DERL3: variants seen among roughly 807,000 people sequenced by gnomAD.
DERL3 encodes derlin 3.
DERL3 carries 20 observed loss-of-function variants against 23.8 expected under a neutral mutation model. That is an observed-to-expected ratio of 0.84 (90% confidence interval 0.59 to 1.22). The LOEUF is 1.22. DERL3 is among the 50% of genes most tolerant of loss of function. The probability of loss-of-function intolerance (pLI) is 0.00; values close to 1 mark genes in which losing one functional copy is unlikely to be tolerated. For missense variants in DERL3, 319 were observed against 304.1 expected (o/e 1.05, Z -0.36); for synonymous variants, 145 against 132.5 (o/e 1.09, Z -0.65).
chr22:23,838,647 ACGGGCGGTCAGGTGCGGGGTGGGTGGGT>A lies in DERL3; in HGVS notation c.159+36_160-11del. ...TGACGAGCCTCCAGACCTACGGGGG[ACGGGCGGTCAGGTGCGGGGTGGGTGGGT>A]CGGGCCCACAGGTGCGCGGCGCGGG... is the stretch of plus-strand genomic sequence containing the variant. On this transcript the variant is annotated splice_polypyrimidine_tract_variant and intron_variant, in intron 2 of 6. Coordinates refer to ENST00000318109, the MANE Select transcript of DERL3 (RefSeq NM_001002862.3). The A allele has an allele frequency of 1.1e-6, 1 of 870,298 alleles. No homozygotes were observed. The highest frequency in any genetic ancestry group is 1.6e-6 in the Non-Finnish European group (1 of 628,614). 53.9% of individuals were successfully genotyped at this position (870,298 alleles called of 1,614,324 possible).
rs1601449214 is a variant in DERL3 at position 23,834,895 on chromosome 22, G to A, written c.*1974C>T. 1 of 1,612,100 alleles carries A rather than the reference G, an allele frequency of 6.2e-7. No homozygotes were observed. Among genetic ancestry groups the A allele is most frequent in the Non-Finnish European group, 8.5e-7 (1 of 1,179,704 alleles). ...TGGCTCTGCTGTGTCCAGATGGTCAGGCTACTGCCAGCTGGGGCCTTGCTG... is the reference window on the plus strand; with the variant it reads ...TGGCTCTGCTGTGTCCAGATGGTCAAGCTACTGCCAGCTGGGGCCTTGCTG... On this transcript the variant is annotated 3_prime_UTR_variant, in exon 7 of 7. Transcript: ENST00000318109.
In DERL3 at chr22:23,834,886, A is replaced by G; in HGVS notation, c.*1983T>C. ...GGGCCGCCCTGGCTCTGCTGTGTCC[A>G]GATGGTCAGGCTACTGCCAGCTGGG... On this transcript the variant is annotated 3_prime_UTR_variant, in exon 7 of 7. Transcript: ENST00000318109. 6.2e-7 allele frequency: 1 copy of G among 1,612,444 alleles called. No individual in the cohort carries two copies. Among genetic ancestry groups the G allele is most frequent in the Non-Finnish European group, 8.5e-7 (1 of 1,179,770 alleles).
chr22:23,835,275 G>A lies in DERL3; in HGVS notation c.*1594C>T, dbSNP rs947877251. On this transcript the variant is annotated 3_prime_UTR_variant, in exon 7 of 7. Transcript: ENST00000318109. ...TCTTCAGAATGGACACAGGATCTGGGAGGGCAGCAAACTGGCTCGCAGCTC... is the reference window on the plus strand; with the variant it reads ...TCTTCAGAATGGACACAGGATCTGGAAGGGCAGCAAACTGGCTCGCAGCTC... 3.9e-5 allele frequency: 42 copies of A among 1,086,920 alleles called. No individual in the cohort carries two copies. Among genetic ancestry groups the A allele is most frequent in the Admixed American group, 1.6e-4 (3 of 19,324 alleles). The allele number at this position is 1,086,920 out of a possible 1,614,324, so 67.3% of individuals were successfully genotyped here.
In DERL3 at chr22:23,837,106, T is replaced by C. The variant is rs1051885475; in HGVS notation, c.572A>G (p.Asn191Ser). ...IYYFLEDVFP[N>S]QPGGKRLLQT... ...CAGGAGCCTCTTGCCTCCAGGCTGG[T>C]TGGGGAAGACGTCCTCCAGGAAGTA... The change falls in exon 6 of 7, where the codon AAC becomes AGC. Residue 191 changes from asparagine (N) to serine (S), a missense_variant. Physicochemically the swap from Asn to Ser is conservative, Grantham distance 46. Transcript: ENST00000318109. 6.8e-6 allele frequency: 11 copies of C among 1,613,710 alleles called. No individual in the cohort carries two copies. In the African/African-American group the frequency reaches 9.4e-5, roughly 14 times the overall value.
rs766931832 is a variant in DERL3, at chr22:23,838,666, G to A, written c.160-29C>T. ...CGGGGGACGGGCGGTCAGGTGCGGG[G>A]TGGGTGGGTCGGGCCCACAGGTGCG... On this transcript the variant is annotated intron_variant, in intron 2 of 6. Coordinates refer to ENST00000318109, the MANE Select transcript of DERL3 (RefSeq NM_001002862.3). 12 of 1,547,372 alleles carry A rather than the reference G, an allele frequency of 7.8e-6. No individual in the cohort carries two copies. In the Admixed American group the frequency reaches 7.9e-5, roughly 10 times the overall value.
chr22:23,837,276 C>T (rs1272352939), intron 5 of DERL3, 122 bp from the exon 6 acceptor site: 2 of 1,294,362 alleles, frequency 1.5e-6, no homozygotes, highest in African/African-American at 3.0e-5. Flanking sequence ...CATGAGTGCC[C>T]CAAAGCCTTG....
rs1020086224 is a variant in DERL3, at chr22:23,835,900, A to G, written c.*969T>C. The G allele has an allele frequency of 4.1e-6, 4 of 985,394 alleles. No homozygotes were observed. Among genetic ancestry groups the G allele is most frequent in the Admixed American group, 1.2e-4 (2 of 16,274 alleles). The allele number at this position is 985,394 out of a possible 1,614,324, so 61.0% of individuals were successfully genotyped here. A position where few individuals can be genotyped will look rare whatever the true frequency, so the allele number is the denominator to read the frequency against. ...CGCCAGCTCACACCGCCGCAAAGCC[A>G]TCTCCACAAGGTCTGGCTACAACAC... On this transcript the variant is annotated 3_prime_UTR_variant, in exon 7 of 7. Transcript: ENST00000318109.
In DERL3 at chr22:23,836,222, A is replaced by T. The variant is rs1030179907; in HGVS notation, c.*647T>A. The T allele has an allele frequency of 3.0e-6, 3 of 985,246 alleles. No individual in the cohort carries two copies. In the African/African-American group the frequency reaches 5.2e-5, roughly 17 times the overall value. 61.0% of individuals were successfully genotyped at this position (985,246 alleles called of 1,614,324 possible). A position where few individuals can be genotyped will look rare whatever the true frequency, so the allele number is the denominator to read the frequency against. On this transcript the variant is annotated 3_prime_UTR_variant, in exon 7 of 7. Transcript: ENST00000318109. ...TCTGAGGTCATAGAAAGGGCAGAAG[A>T]CCTAGTCCTGGCCCTCTTCTGCACC...
Position 23,837,743 on chromosome 22 carries a change from G to C in DERL3, c.439C>G (p.Leu147Val). 2 of 1,614,064 alleles carry C rather than the reference G, an allele frequency of 1.2e-6. No individual in the cohort carries two copies. The highest frequency in any genetic ancestry group is 1.7e-6 in the Non-Finnish European group (2 of 1,180,018). Residue 147 changes from leucine to valine, a missense_variant, in exon 5 of 7, where the codon CTC becomes GTC. Coordinates refer to ENST00000318109, the MANE Select transcript of DERL3 (RefSeq NM_001002862.3). ...GGCAGGAACGGTGCCTGGAAAGTGA[G>C]CAGGCCGAAGAAGTTGACCCTCACC... is the stretch of plus-strand genomic sequence containing the variant. The part of the protein sequence containing the change: ...PRVRVNFFGL[L>V]TFQAPFLPWA...
chr22:23,834,538 A>T lies in DERL3; in HGVS notation c.*2331T>A, dbSNP rs2030882817. 3 of 699,532 alleles carry T rather than the reference A, an allele frequency of 4.3e-6. No homozygotes were observed. The highest frequency in any genetic ancestry group is 2.0e-5 in the Admixed American group (1 of 49,732). 43.3% of individuals were successfully genotyped at this position (699,532 alleles called of 1,614,324 possible). The stretch of plus-strand genomic sequence containing the variant: ...TCAACAGGTCATGTTCAATTTCTTC[A>T]AAGTTTTAACATAAAAATAATGAGA... On this transcript the variant is annotated 3_prime_UTR_variant, in exon 7 of 7. Transcript: ENST00000318109.
intron 2 of DERL3, 26 bp from the exon 3 acceptor site, chr22:23,838,663 G>A (rs1260729629): frequency 1.3e-6 from 2 of 1,547,310 alleles, no homozygotes; most frequent in Admixed American, 2.0e-5. Flanking sequence ...GGTCAGGTGC[G>A]GGGTGGGTGG....
At chr22:23,838,294 C>T in intron 4 of DERL3, 58 bp downstream of exon 4, 3 of 1,556,978 alleles carry the variant, frequency 1.9e-6, no homozygotes, top group Non-Finnish European at 2.6e-6. Context: ...CCAGGACCAA[C>T]ACAGGCTGGA....
intron 4 of DERL3, chr22:23,838,129 A>G: frequency 2.6e-6 from 4 of 1,524,282 alleles, no homozygotes; most frequent in Non-Finnish European, 3.5e-6. Context: ...AGTGGCCCTG[A>G]CAACCCACCT....
chr22:23,837,974 T>A, intron 4 of DERL3, 120 bp from the exon 5 acceptor site: 1 of 1,265,676 alleles, frequency 7.9e-7, no homozygotes, highest in South Asian at 1.5e-5. Flanking sequence ...CTCATCAAGA[T>A]GAGCCAGTCC....
At position 23,834,721 on chromosome 22, in the gene DERL3, G is replaced by C; in HGVS notation, c.*2148C>G. ...AGCTCCTCTCAGCTCCCCTCAGCCTGTTCTCCTTCCAGACCCAGAGAGCTG... is the reference window on the plus strand; with the variant it reads ...AGCTCCTCTCAGCTCCCCTCAGCCTCTTCTCCTTCCAGACCCAGAGAGCTG... On this transcript the variant is annotated 3_prime_UTR_variant, in exon 7 of 7. Transcript: ENST00000318109. 7.0e-7 allele frequency: 1 copy of C among 1,430,592 alleles called. No individual in the cohort carries two copies. Among genetic ancestry groups the C allele is most frequent in the Admixed American group, 2.4e-5 (1 of 42,520 alleles). The allele number at this position is 1,430,592 out of a possible 1,614,324, so 88.6% of individuals were successfully genotyped here.
chr22:23,834,601 G>C lies in DERL3; in HGVS notation c.*2268C>G. 1.4e-6 allele frequency: 1 copy of C among 719,188 alleles called. No individual in the cohort carries two copies. The highest frequency in any genetic ancestry group is 2.5e-6 in the Non-Finnish European group (1 of 406,866). 44.6% of individuals were successfully genotyped at this position (719,188 alleles called of 1,614,324 possible). Reference sequence around the variant, plus strand: ...GCCGGGGCCTGGGGGGACGAAGGTGGTATGTGAACAAGGTTGGCACACAGG... The same window carrying C: ...GCCGGGGCCTGGGGGGACGAAGGTGCTATGTGAACAAGGTTGGCACACAGG... On this transcript the variant is annotated 3_prime_UTR_variant, in exon 7 of 7. Transcript: ENST00000318109.
Position 23,836,867 on chromosome 22 carries a change from G to T in DERL3, c.*2C>A. On this transcript the variant is annotated 3_prime_UTR_variant, in exon 7 of 7. Coordinates refer to ENST00000318109, the MANE Select transcript of DERL3 (RefSeq NM_001002862.3). ...CCTCTTAGGCCTGGCCCTGGGTGGG[G>T]GTCACTGCTGCGGGGGTGGCAGATG... 6.8e-7 allele frequency: 1 copy of T among 1,461,662 alleles called. No homozygotes were observed. The highest frequency in any genetic ancestry group is 9.0e-7 in the Non-Finnish European group (1 of 1,105,348). 90.5% of individuals were successfully genotyped at this position (1,461,662 alleles called of 1,614,324 possible).
rs536823679 is a variant in DERL3, at chr22:23,834,705, C to T, written c.*2164G>A. The T allele has an allele frequency of 3.6e-5, 49 of 1,352,734 alleles. No homozygotes were observed. Among genetic ancestry groups the T allele is most frequent in the Admixed American group, 2.2e-4 (9 of 40,820 alleles). The allele number at this position is 1,352,734 out of a possible 1,614,324, so 83.8% of individuals were successfully genotyped here. ...CTCCGGGTAGCACCTCAGCTCCTCT[C>T]AGCTCCCCTCAGCCTGTTCTCCTTC... On this transcript the variant is annotated 3_prime_UTR_variant, in exon 7 of 7. Transcript: ENST00000318109.
In DERL3 at chr22:23,837,769, C is replaced by T. The variant is rs148001527; in HGVS notation, c.413G>A (p.Arg138Gln). ...LVYVWSRRSP[R>Q]VRVNFFGLLT... ...CAGGCCGAAGAAGTTGACCCTCACC[C>T]GAGGGCTGCGGCGGCTCCACACGTA... The change falls in exon 5 of 7, where the codon CGG becomes CAG. Residue 138 changes from arginine to glutamine, a missense_variant. Physicochemically the swap from Arg to Gln is conservative, Grantham distance 43. Transcript: ENST00000318109. 1.9e-6 allele frequency: 3 copies of T among 1,613,986 alleles called. No homozygotes were observed. The highest frequency in any genetic ancestry group is 2.5e-6 in the Non-Finnish European group (3 of 1,180,010).
Sources: gnomAD v4.1 joint callset for allele counts on GRCh38, gnomAD v4.1.1 for gene constraint, MANE v1.5 for transcripts, NCBI Gene and HGNC (gene_info 2026-07-23, HGNC 2026-07-21) for gene names.